Variants in PFKFB3 observed in about 807,000 individuals in gnomAD.
The protein encoded by PFKFB3 is 6-phosphofructo-2-kinase/fructose-2,6-biphosphatase 3, also known as 6-phosphofructo-2-kinase/fructose-2,6-bisphosphatase 3.
Under a neutral mutation model 68.0 loss-of-function variants are expected in PFKFB3, and 33 were observed. The observed-to-expected ratio is 0.49, with a 90% confidence interval of 0.37 to 0.65. PFKFB3 has a LOEUF of 0.65. Among genes scored for constraint, PFKFB3 ranks in the 30% least tolerant of loss-of-function variants. The pLI is 0.00. For synonymous variants in PFKFB3, 315 were observed against 288.2 expected (o/e 1.09, Z -0.94); for missense variants, 586 against 712.2 (o/e 0.82, Z 2.02).
chr10:6,217,312 C>G lies in PFKFB3; in HGVS notation c.498+121C>G. 5 of 887,466 alleles carry G rather than the reference C, an allele frequency of 5.6e-6. No homozygotes were observed. In the Admixed American group the frequency reaches 9.6e-5, roughly 17 times the overall value. The allele number at this position is 887,466 out of a possible 1,614,324, so 55.0% of individuals were successfully genotyped here. The stretch of plus-strand genomic sequence containing the variant: ...GCAGCTGAGCCCTTAGGATGAGCAG[C>G]CCCCAGCTGGCTGTTGATTGGGAGG... On this transcript the variant is annotated intron_variant, in intron 6 of 14. Transcript: ENST00000379775.
At chr10:6,305,881 T>G in the PFKFB3 span, among the ~76,000 whole-genome samples, 1 of 152,208 alleles carries the variant, frequency 6.6e-6, no homozygotes, top group African/African-American at 2.4e-5. Flanking sequence ...GAATTCAGAC[T>G]GGAAATCTGC....
At position 6,221,490 on chromosome 10, in the gene PFKFB3, C is replaced by A; in HGVS notation, c.941C>A (p.Pro314His). The change falls in exon 9 of 15, where the codon CCC becomes CAC. Residue 314 changes from proline (P) to histidine (H), a missense_variant. Physicochemically the swap from Pro to His is moderately conservative, Grantham distance 77. Transcript: ENST00000379775. The part of the protein sequence containing the change: ...TIQTAEALRL[P>H]YEQWKALNEI... ...CAGACGGCCGAGGCGCTGCGGCTGC[C>A]CTACGAGCAGTGGAAGGCGCTCAAT... The A allele has an allele frequency of 6.2e-7, 1 of 1,613,530 alleles. No individual in the cohort carries two copies. Among genetic ancestry groups the A allele is most frequent in the Middle Eastern group, 1.6e-4 (1 of 6,062 alleles).
At chr10:6,321,304 C>T in the PFKFB3 span, among the ~76,000 whole-genome samples, 6,347 of 152,118 alleles carry the variant, frequency 0.042, 438 homozygotes, top group African/African-American at 0.14. Context: ...TCCTCGTCAC[C>T]TAGTAAGTTC....
At chr10:6,269,900 G>T in the PFKFB3 span, among the ~76,000 whole-genome samples, 14 of 152,122 alleles carry the variant, frequency 9.2e-5, no homozygotes, top group Non-Finnish European at 1.9e-4. Context: ...GGAGGCTGAG[G>T]CAGGTGGCTC....
At chr10:6,184,242 G>A (rs1490074857) in intron 1 of PFKFB3, among the ~76,000 whole-genome samples, 6 of 151,686 alleles carry the variant, frequency 4.0e-5, no homozygotes, top group African/African-American at 1.5e-4. Flanking sequence ...TAGTAGAGAC[G>A]GGGTTTCGCC....
At chr10:6,282,919 G>A in the PFKFB3 span, among the ~76,000 whole-genome samples, 2 of 152,168 alleles carry the variant, frequency 1.3e-5, no homozygotes, top group African/African-American at 2.4e-5. Context: ...TTTCTATGGA[G>A]TGATTTATTT....
intron 1 of PFKFB3, among the ~76,000 whole-genome samples, chr10:6,184,760 C>A (rs910361006): frequency 1.2e-4 from 17 of 143,596 alleles, no homozygotes; most frequent in Non-Finnish European, 2.2e-4. Flanking sequence ...GTGTGAGTCA[C>A]CGCGCCTGGC....
chr10:6,151,500 G>A, intron 1 of PFKFB3, among the ~76,000 whole-genome samples: 1 of 152,200 alleles, frequency 6.6e-6, no homozygotes, highest in East Asian at 1.9e-4. Context: ...GAGGACACTG[G>A]GGTGCTACCT....
chr10:6,285,070 C>T, the PFKFB3 span, among the ~76,000 whole-genome samples: 2 of 152,112 alleles, frequency 1.3e-5, no homozygotes, highest in African/African-American at 4.8e-5. Flanking sequence ...TCTGCTTAGC[C>T]TCCTGCTTTC....
Position 6,215,451 on chromosome 10 carries a change from CTGCGGGT to C in PFKFB3, c.299+135_299+141del. The stretch of plus-strand genomic sequence containing the variant: ...GTGGGAATAAGGCTGGGCTGCGGGG[CTGCGGGT>C]GTAAGGCTGGGCTGCGGGCTTGGGC... On this transcript the variant is annotated intron_variant, in intron 3 of 14. Coordinates refer to ENST00000379775, the MANE Select transcript of PFKFB3 (RefSeq NM_004566.4). The surrounding 1 kb of genome is among the most constrained non-coding windows in gnomAD (Gnocchi z 4.3). 1.4e-6 allele frequency: 1 copy of C among 699,374 alleles called. No individual in the cohort carries two copies. The highest frequency in any genetic ancestry group is 1.9e-5 in the African/African-American group (1 of 52,900). 43.3% of individuals were successfully genotyped at this position (699,374 alleles called of 1,614,324 possible).
At chr10:6,149,586 C>CA (rs57208512) in intron 1 of PFKFB3, 36,993 of 131,386 alleles carry the variant, frequency 0.28, 5,519 homozygotes, top group East Asian at 0.44. Context: ...GACTCCCTCT[C>CA]AAAAAAAAAA....
Position 6,216,207 on chromosome 10 carries a change from G to A in PFKFB3, c.366+16G>A. 6.2e-7 allele frequency: 1 copy of A among 1,613,016 alleles called. No individual in the cohort carries two copies. The highest frequency in any genetic ancestry group is 2.2e-5 in the East Asian group (1 of 44,888). ...ACAAATTGCGGTAAGTCCAGGCAAT[G>A]TAGCCGGCTCGGTGTCCAGTCCCAC... is the stretch of plus-strand genomic sequence containing the variant. On this transcript the variant is annotated intron_variant, in intron 4 of 14. Coordinates refer to ENST00000379775, the MANE Select transcript of PFKFB3 (RefSeq NM_004566.4).
the PFKFB3 span, among the ~76,000 whole-genome samples, chr10:6,282,803 T>C: frequency 1.3e-5 from 2 of 152,214 alleles, no homozygotes; most frequent in African/African-American, 4.8e-5. Flanking sequence ...TCAACAAACA[T>C]AGGAGCTGTG....
chr10:6,160,648 G>A (rs1023062539), intron 1 of PFKFB3, among the ~76,000 whole-genome samples: 5 of 150,284 alleles, frequency 3.3e-5, no homozygotes, highest in African/African-American at 1.2e-4. Flanking sequence ...AACCCGGGAG[G>A]TGGAGGCTGC....
intron 13 of PFKFB3, among the ~76,000 whole-genome samples, chr10:6,225,711 G>C: frequency 1.1e-5 from 1 of 87,036 alleles, no homozygotes; most frequent in East Asian, 2.7e-4. Context: ...TCCTAAGCCA[G>C]GGTGCCCTTT....
chr10:6,196,994 A>ATTC (rs1028035336), intron 1 of PFKFB3, among the ~76,000 whole-genome samples: 1 of 151,362 alleles, frequency 6.6e-6, no homozygotes, highest in South Asian at 2.1e-4. Flanking sequence ...TATTATTATT[A>ATTC]TTATTTTTGA....
chr10:6,285,336 C>T, the PFKFB3 span, among the ~76,000 whole-genome samples: 3 of 151,460 alleles, frequency 2.0e-5, no homozygotes, highest in Non-Finnish European at 4.4e-5. Context: ...TAGATTCAAG[C>T]GATTGTCCTG....
chr10:6,291,107 C>CA, the PFKFB3 span, among the ~76,000 whole-genome samples: 4,726 of 152,150 alleles, frequency 0.031, 223 homozygotes, highest in African/African-American at 0.11. Context: ...GATAAAGTGT[C>CA]CTGTCATTTA....
the PFKFB3 span, among the ~76,000 whole-genome samples, chr10:6,261,345 G>C: frequency 6.6e-6 from 1 of 152,114 alleles, no homozygotes; most frequent in Non-Finnish European, 1.5e-5. Context: ...TCCCTTAAAC[G>C]CTGTCTTTGG....
Sources: gnomAD v4.1 joint callset for allele counts (sites outside exome capture counted in the v4.1 genomes callset) on GRCh38, gnomAD v4.1.1 for gene constraint, Gnocchi (gnomAD v3.1) non-coding constraint, MANE v1.5 for transcripts, NCBI Gene and HGNC (gene_info 2026-07-23, HGNC 2026-07-21) for gene names.